NCR2: variants seen among roughly 807,000 people sequenced by gnomAD.
NCR2 encodes the protein natural cytotoxicity triggering receptor 2, also known as NK cell activating receptor (NKp44).
Under a neutral mutation model 30.7 loss-of-function variants are expected in NCR2, and 35 were observed. The observed-to-expected ratio is 1.14, with a 90% CI of 0.87 to 1.51. NCR2 has a LOEUF of 1.51. Among genes scored for constraint, NCR2 ranks in the 40% most tolerant of loss-of-function variants. The pLI is 0.00. For synonymous variants in NCR2, 146 were observed against 134.8 expected, an observed-to-expected ratio of 1.08 and a Z score of -0.58; for missense variants, 316 against 328.9, an observed-to-expected ratio of 0.96 and a Z score of 0.30.
In NCR2 at chr6:41,336,366, T is replaced by A. The variant is rs1220472569; in HGVS notation, c.332T>A (p.Ile111Asn). The A allele has an allele frequency of 6.2e-7, 1 of 1,613,992 alleles. No homozygotes were observed. The highest frequency in any genetic ancestry group is 8.5e-7 in the Non-Finnish European group (1 of 1,179,998). ...EEDSGHYWCRIYRPSDNSVSK... is the reference protein window; with the variant it reads ...EEDSGHYWCRNYRPSDNSVSK... ...GACTCAGGACATTACTGGTGTAGAA[T>A]CTACCGCCCTTCTGACAACTCTGTC... The change falls in exon 2 of 5, where the codon ATC becomes AAC. Residue 111 changes from isoleucine to asparagine, a missense_variant. Transcript: ENST00000373089.
intron 4 of NCR2, among the ~76,000 whole-genome samples, chr6:41,345,912 A>G (rs1769288222): frequency 6.6e-6 from 1 of 152,106 alleles, no homozygotes; most frequent in South Asian, 2.1e-4. Flanking sequence ...CTTTCTCCGC[A>G]GTTCTCTTGC....
chr6:41,341,720 C>T (rs1416262746), intron 2 of NCR2, 74 bp from the exon 3 acceptor site: 6 of 1,522,490 alleles, frequency 3.9e-6, no homozygotes, highest in African/African-American at 1.4e-5. Flanking sequence ...CCAACTCCCC[C>T]ATCCAGCTCT....
intron 2 of NCR2, among the ~76,000 whole-genome samples, chr6:41,338,882 T>C (rs1769095201): frequency 6.6e-6 from 1 of 152,214 alleles, no homozygotes; most frequent in Admixed American, 6.5e-5. Context: ...TTGGCAATTG[T>C]AGATGGATTG....
chr6:41,340,870 G>A (rs989232364), intron 2 of NCR2, among the ~76,000 whole-genome samples: 32 of 152,014 alleles, frequency 2.1e-4, no homozygotes, highest in South Asian at 2.1e-4. Flanking sequence ...GGACAGGATC[G>A]TGCCCACAGG....
Position 41,341,918 on chromosome 6 carries a change from T to C in NCR2, c.519T>C (p.Pro173=), listed in dbSNP as rs1180843921. ...RQAPESPSTI[P]VPSQPQNSTL... ...CCCCTGAGTCTCCATCTACCATCCC[T>C]GTCCCTTCACAGTGAGTTTCGGGGT... The change falls in exon 3 of 5, where the codon CCT becomes CCC. Residue 173 remains proline, a synonymous_variant. Transcript: ENST00000373089. The C allele has an allele frequency of 2.5e-6, 4 of 1,613,904 alleles. No homozygotes were observed. In the Admixed American group the frequency reaches 5.0e-5, roughly 20 times the overall value.
In NCR2 at chr6:41,350,735, C is replaced by A. The variant is rs201088436; in HGVS notation, c.702C>A (p.Ala234=). 9.9e-6 allele frequency: 16 copies of A among 1,613,886 alleles called. No homozygotes were observed. The highest frequency in any genetic ancestry group is 1.4e-5 in the Non-Finnish European group (16 of 1,179,760). Residue 234 remains alanine (A), a synonymous_variant, in exon 5 of 5, where the codon GCC becomes GCA. Coordinates refer to ENST00000373089, the MANE Select transcript of NCR2 (RefSeq NM_004828.4). ...TCAGGAGCCTGGATACCCAAAAAGC[C>A]ACCTGCCACCTTCAACAGGTCACGG... ...MELRSLDTQK[A]TCHLQQVTDL... is the part of the protein sequence containing the mutation.
intron 4 of NCR2, among the ~76,000 whole-genome samples, chr6:41,343,416 G>A (rs1769225515): frequency 6.6e-6 from 1 of 152,226 alleles, no homozygotes; most frequent in Non-Finnish European, 1.5e-5. Context: ...AGAGTTCCCA[G>A]TTGCAGTGAG....
intron 4 of NCR2, chr6:41,343,004 C>T: frequency 6.4e-7 from 1 of 1,550,596 alleles, no homozygotes; most frequent in Non-Finnish European, 8.7e-7. Context: ...AGACACTTCC[C>T]ACTGAGCCAC....
chr6:41,348,868 C>G (rs1769364228), intron 4 of NCR2, among the ~76,000 whole-genome samples: 1 of 152,144 alleles, frequency 6.6e-6, no homozygotes, highest in Admixed American at 6.6e-5. Flanking sequence ...AAGAGAAGAT[C>G]TCTTCCACAC....
chr6:41,343,307 C>G (rs754161958), intron 4 of NCR2, among the ~76,000 whole-genome samples: 10 of 152,288 alleles, frequency 6.6e-5, no homozygotes, highest in South Asian at 2.1e-4. Context: ...CTATCTATAG[C>G]CCCTGATAAA....
At chr6:41,340,147 CTTTATTTA>C (rs34270868) in intron 2 of NCR2, among the ~76,000 whole-genome samples, 9 of 147,316 alleles carry the variant, frequency 6.1e-5, no homozygotes, top group Admixed American at 4.0e-4. Flanking sequence ...TAGCTAACAA[CTTTATTTA>C]TTTATTTATT....
In NCR2 at chr6:41,336,071, C is replaced by A. The variant is rs756040630; in HGVS notation, c.53-16C>A. On this transcript the variant is annotated splice_polypyrimidine_tract_variant and intron_variant, in intron 1 of 4. Coordinates refer to ENST00000373089, the MANE Select transcript of NCR2 (RefSeq NM_004828.4). ...GCGCGTGGCCTTGACCTATGCGTTA[C>A]TTCATCATTCTCCAGGCTCTCAGGC... 8 of 1,609,434 alleles carry A rather than the reference C, an allele frequency of 5.0e-6. No homozygotes were observed. Among genetic ancestry groups the A allele is most frequent in the Non-Finnish European group, 5.9e-6 (7 of 1,177,386 alleles).
chr6:41,347,107 T>A (rs923009), intron 4 of NCR2, among the ~76,000 whole-genome samples: 5 of 152,098 alleles, frequency 3.3e-5, no homozygotes, highest in African/African-American at 1.2e-4. Flanking sequence ...CCCAGCTACT[T>A]GGGAGGCTGA....
intron 4 of NCR2, chr6:41,342,849 G>C (rs907524309): frequency 2.1e-6 from 3 of 1,401,298 alleles, no homozygotes; most frequent in Non-Finnish European, 3.0e-6. Context: ...GGAGGGGCAG[G>C]CTTGGGGAAA....
At chr6:41,343,137 C>T (rs911216055) in intron 4 of NCR2, 29 of 867,996 alleles carry the variant, frequency 3.3e-5, no homozygotes, top group Admixed American at 7.8e-5. Context: ...CCTTTAGCCA[C>T]GCTCTCCCTG....
In NCR2 at chr6:41,342,091, G is replaced by C; in HGVS notation, c.586G>C (p.Val196Leu). The C allele has an allele frequency of 2.5e-6, 4 of 1,613,846 alleles. No individual in the cohort carries two copies. The highest frequency in any genetic ancestry group is 3.4e-6 in the Non-Finnish European group (4 of 1,180,026). The part of the protein sequence containing the change: ...GPAAPIALVP[V>L]FCGLLVAKSL... ...TGCAGCCCCCATTGCCCTGGTGCCT[G>C]TGTTCTGTGGACTCCTCGTAGCCAA... Residue 196 changes from valine (V) to leucine (L), a missense_variant, in exon 4 of 5, where the codon GTG (valine) becomes CTG (leucine). Coordinates refer to ENST00000373089, the MANE Select transcript of NCR2 (RefSeq NM_004828.4).
In NCR2 at chr6:41,341,829, G is replaced by T; in HGVS notation, c.430G>T (p.Asp144Tyr). ...ASTQTSWTPR[D>Y]LVSSQTQTQS... ...CACACAGACCTCCTGGACTCCCCGC[G>T]ACCTGGTCTCTTCACAGACCCAGAC... The change falls in exon 3 of 5, where the codon GAC becomes TAC. Residue 144 changes from aspartate (D) to tyrosine (Y), a missense_variant. Coordinates refer to ENST00000373089, the MANE Select transcript of NCR2 (RefSeq NM_004828.4). 6.2e-7 allele frequency: 1 copy of T among 1,612,844 alleles called. No homozygotes were observed. The highest frequency in any genetic ancestry group is 8.5e-7 in the Non-Finnish European group (1 of 1,179,914).
At chr6:41,343,018 GC>G (rs1041771878) in intron 4 of NCR2, 5 of 1,550,318 alleles carry the variant, frequency 3.2e-6, no homozygotes, top group Non-Finnish European at 3.5e-6. Flanking sequence ...GAGCCACAGG[GC>G]ACCAGGTGGG....
chr6:41,336,060 C>A, intron 1 of NCR2, 27 bp from the exon 2 acceptor site: 1 of 1,605,268 alleles, frequency 6.2e-7, no homozygotes, highest in Non-Finnish European at 8.5e-7. Flanking sequence ...GTGGCCTTGA[C>A]CTATGCGTTA....
Sources: allele counts gnomAD v4.1 joint callset (sites outside exome capture counted in the v4.1 genomes callset), GRCh38; gene constraint gnomAD v4.1.1; transcripts MANE v1.5; gene names NCBI Gene and HGNC (gene_info 2026-07-23, HGNC 2026-07-21).